AUH: variants seen among roughly 807,000 people sequenced by gnomAD.
AUH encodes methylglutaconyl-CoA hydratase, mitochondrial.
AUH carries 29 observed loss-of-function variants against 42.3 expected under a neutral mutation model. The ratio of observed to expected loss-of-function variants is 0.69; its 90% CI spans 0.51 to 0.93. The LOEUF is 0.93. Ranked by LOEUF, AUH falls within the 40% of genes least tolerant of loss-of-function variation. AUH has a pLI of 0.00. For missense variants in AUH, 452 were observed against 438.1 expected (o/e 1.03, Z -0.28); for synonymous variants, 174 against 166.4 (o/e 1.05, Z -0.35).
At chr9:91,309,684 T>A (rs1828549088) in intron 4 of AUH, among the ~76,000 whole-genome samples, 1 of 151,878 alleles carries the variant, frequency 6.6e-6, no homozygotes, top group Non-Finnish European at 1.5e-5. Context: ...GTGAAGAGGG[T>A]GAGAGGTGAA....
chr9:91,245,037 G>T (rs1828718591), intron 6 of AUH, among the ~76,000 whole-genome samples: 1 of 152,144 alleles, frequency 6.6e-6, no homozygotes, highest in African/African-American at 2.4e-5. Context: ...CACCCTCTTT[G>T]AACTCAATCA....
At chr9:91,239,625 T>C (rs1828388274) in intron 6 of AUH, among the ~76,000 whole-genome samples, 1 of 152,208 alleles carries the variant, frequency 6.6e-6, no homozygotes, top group Non-Finnish European at 1.5e-5. Flanking sequence ...TAGTCTTAAA[T>C]TGTGTCACAA....
intron 6 of AUH, among the ~76,000 whole-genome samples, chr9:91,249,201 G>A (rs976986781): frequency 6.7e-6 from 1 of 148,820 alleles, no homozygotes; most frequent in South Asian, 2.1e-4. Context: ...GGGGGCTAAG[G>A]TGGGGGGATC....
intron 6 of AUH, among the ~76,000 whole-genome samples, chr9:91,279,369 A>T (rs1469189479): frequency 6.6e-6 from 1 of 152,194 alleles, no homozygotes; most frequent in Non-Finnish European, 1.5e-5. Context: ...TCAGTGATAG[A>T]GATGGGATTT....
At chr9:91,278,231 T>C (rs1209209736) in intron 6 of AUH, among the ~76,000 whole-genome samples, 3 of 152,210 alleles carry the variant, frequency 2.0e-5, no homozygotes, top group African/African-American at 4.8e-5. Context: ...AGTCCTACTT[T>C]AAAATGAAAA....
At chr9:91,260,496 T>C (rs1440469577) in intron 6 of AUH, among the ~76,000 whole-genome samples, 1 of 152,178 alleles carries the variant, frequency 6.6e-6, no homozygotes, top group Non-Finnish European at 1.5e-5. Context: ...CCATTTTTAG[T>C]GGTTGATCAA....
intron 1 of AUH, 137 bp from the exon 2 acceptor site, chr9:91,356,292 C>T (rs2132085549): frequency 1.3e-6 from 1 of 751,166 alleles, no homozygotes; most frequent in East Asian, 2.7e-5. Flanking sequence ...TTCAATCGAT[C>T]TCTTCTTAAG....
intron 7 of AUH, among the ~76,000 whole-genome samples, chr9:91,219,951 C>T (rs1827037672): frequency 6.6e-6 from 1 of 152,128 alleles, no homozygotes; most frequent in African/African-American, 2.4e-5. Context: ...TTAAGCAACC[C>T]TGAGTTAGAG....
At chr9:91,231,126 A>G (rs900682364) in intron 6 of AUH, among the ~76,000 whole-genome samples, 46 of 152,286 alleles carry the variant, frequency 3.0e-4, no homozygotes, top group African/African-American at 1.1e-3. Context: ...AGCCTGGGCA[A>G]TGGTGGGTGC....
chr9:91,352,389 A>T (rs936804937), intron 3 of AUH, among the ~76,000 whole-genome samples: 4 of 152,102 alleles, frequency 2.6e-5, no homozygotes, highest in Middle Eastern at 3.4e-3. Context: ...ACATATATAT[A>T]AAATAAAGTA....
chr9:91,323,823 C>T (rs1020414007), intron 4 of AUH, among the ~76,000 whole-genome samples: 10 of 151,990 alleles, frequency 6.6e-5, no homozygotes, highest in East Asian at 1.9e-4. Context: ...CCAGAAAATA[C>T]GAGCCATGCA....
intron 4 of AUH, among the ~76,000 whole-genome samples, chr9:91,313,669 C>A (rs1270702766): frequency 7.5e-6 from 1 of 133,264 alleles, no homozygotes; most frequent in Non-Finnish European, 1.5e-5. Flanking sequence ...TGCGCCACTG[C>A]AGTCCGCAGT....
intron 4 of AUH, among the ~76,000 whole-genome samples, chr9:91,319,371 T>G (rs2131822673): frequency 6.6e-6 from 1 of 152,316 alleles, no homozygotes; most frequent in South Asian, 2.1e-4. Flanking sequence ...AGGTAGCTAA[T>G]CAGACACGAG....
chr9:91,267,505 GTA>G (rs1472057603), intron 6 of AUH, among the ~76,000 whole-genome samples: 5 of 152,102 alleles, frequency 3.3e-5, no homozygotes, highest in Non-Finnish European at 7.4e-5. Flanking sequence ...GTTTTCCAAT[GTA>G]TGTCTTCAGT....
chr9:91,283,157 C>T (rs1826113210), intron 6 of AUH, among the ~76,000 whole-genome samples: 1 of 152,162 alleles, frequency 6.6e-6, no homozygotes, highest in Non-Finnish European at 1.5e-5. Context: ...GCTGGTTCAA[C>T]ATATGCAAAT....
At chr9:91,234,858 C>T (rs1458578093) in intron 6 of AUH, among the ~76,000 whole-genome samples, 3 of 147,446 alleles carry the variant, frequency 2.0e-5, no homozygotes, top group Non-Finnish European at 4.5e-5. Flanking sequence ...CACTAGATGA[C>T]TAATTTAGAT....
chr9:91,235,162 G>C (rs1587659909), intron 6 of AUH, among the ~76,000 whole-genome samples: 1 of 152,090 alleles, frequency 6.6e-6, no homozygotes, highest in South Asian at 2.1e-4. Flanking sequence ...AATTTGATCT[G>C]CACTTTAAAA....
At chr9:91,340,248 A>G (rs777545303) in intron 3 of AUH, among the ~76,000 whole-genome samples, 3 of 152,214 alleles carry the variant, frequency 2.0e-5, no homozygotes, top group Non-Finnish European at 4.4e-5. Context: ...TGAATAAGAA[A>G]GATACCTAAT....
chr9:91,257,520 G>C (rs1829470438), intron 6 of AUH, among the ~76,000 whole-genome samples: 1 of 152,186 alleles, frequency 6.6e-6, no homozygotes, highest in Non-Finnish European at 1.5e-5. Flanking sequence ...GGGTCCTGGA[G>C]AGGACTGCCA....
Sources: allele counts gnomAD v4.1 joint callset (sites outside exome capture counted in the v4.1 genomes callset), GRCh38; gene constraint gnomAD v4.1.1; transcripts MANE v1.5; gene names NCBI Gene and HGNC (gene_info 2026-07-23, HGNC 2026-07-21).